CPED1: variants seen among roughly 807,000 people sequenced by gnomAD.
CPED1 encodes the protein cadherin-like and PC-esterase domain-containing protein 1.
CPED1 carries 114 observed loss-of-function variants against 128.2 expected under a neutral mutation model. The observed-to-expected ratio is 0.89, with a 90% CI of 0.76 to 1.04. The LOEUF (loss-of-function observed/expected upper bound fraction) is 1.04. CPED1 is among the 50% of genes least tolerant of loss of function. CPED1 has a pLI of 0.00. For missense variants in CPED1, 1,211 were observed against 1,207.1 expected, an observed-to-expected ratio of 1.00 and a Z score of -0.05; for synonymous variants, 462 against 426.7, an observed-to-expected ratio of 1.08 and a Z score of -1.02.
chr7:121,167,118 A>G (rs919925295), intron 16 of CPED1, among the ~76,000 whole-genome samples: 1 of 152,240 alleles, frequency 6.6e-6, no homozygotes, highest in African/African-American at 2.4e-5. Context: ...AAATGCTGGT[A>G]AAGTGACCCT....
chr7:121,056,626 G>GT (rs1793505643), intron 4 of CPED1, among the ~76,000 whole-genome samples: 1 of 152,122 alleles, frequency 6.6e-6, no homozygotes, highest in South Asian at 2.1e-4. Context: ...ATTTACCATT[G>GT]TAAGTTTTCA....
At chr7:121,052,874 A>G (rs113157542) in intron 4 of CPED1, among the ~76,000 whole-genome samples, 1,725 of 152,094 alleles carry the variant, frequency 0.011, 25 homozygotes, top group Middle Eastern at 0.034. Flanking sequence ...GGCATGCATC[A>G]CCACACCTAA....
intron 2 of CPED1, among the ~76,000 whole-genome samples, chr7:121,001,825 G>T (rs1338149121): frequency 6.6e-6 from 1 of 152,242 alleles, no homozygotes; most frequent in East Asian, 1.9e-4. Flanking sequence ...GGATTGAAAT[G>T]CCTGTCACAG....
intron 5 of CPED1, among the ~76,000 whole-genome samples, chr7:121,080,228 T>C (rs145770311): frequency 2.0e-5 from 3 of 152,340 alleles, no homozygotes; most frequent in Non-Finnish European, 4.4e-5. Context: ...TTATTCTTAG[T>C]TGTGTGTAGA....
Position 121,133,865 on chromosome 7 carries a change from G to A in CPED1, c.1620G>A (p.Val540=). Residue 540 remains valine (V), a synonymous_variant, in exon 13 of 23, where the codon GTG becomes GTA. Coordinates refer to ENST00000310396, the MANE Select transcript of CPED1 (RefSeq NM_024913.5). ...TEDKNIEKPQ[V]PFDAIENKKA... is the part of the protein sequence containing the mutation. ...ATAAGAACATTGAAAAACCACAAGT[G>A]CCATTTGATGCAATAGAAAATAAAA... 1.9e-6 allele frequency: 3 copies of A among 1,593,920 alleles called. No individual in the cohort carries two copies. Among genetic ancestry groups the A allele is most frequent in the Non-Finnish European group, 2.6e-6 (3 of 1,165,890 alleles).
intron 18 of CPED1, among the ~76,000 whole-genome samples, chr7:121,249,813 T>G (rs1035632960): frequency 3.3e-5 from 5 of 152,118 alleles, no homozygotes; most frequent in East Asian, 1.9e-4. Context: ...GTACCCAGAT[T>G]CATAAAGCAA....
At chr7:121,258,851 A>T (rs372357919) in intron 18 of CPED1, among the ~76,000 whole-genome samples, 3 of 152,196 alleles carry the variant, frequency 2.0e-5, no homozygotes, top group East Asian at 3.9e-4. Flanking sequence ...GTTGCCAGGA[A>T]TAAATAGTTC....
At chr7:121,039,830 T>C (rs1793003417) in intron 3 of CPED1, among the ~76,000 whole-genome samples, 1 of 152,112 alleles carries the variant, frequency 6.6e-6, no homozygotes, top group South Asian at 2.1e-4. Flanking sequence ...GATTTCCTTT[T>C]ACACTTTTTT....
intron 3 of CPED1, among the ~76,000 whole-genome samples, chr7:121,045,690 A>C (rs1412870656): frequency 6.6e-6 from 1 of 152,160 alleles, no homozygotes; most frequent in Non-Finnish European, 1.5e-5. Flanking sequence ...ATTACTCAGA[A>C]TATTTATCTC....
chr7:121,071,783 G>T (rs558739803), intron 5 of CPED1, among the ~76,000 whole-genome samples: 1 of 152,100 alleles, frequency 6.6e-6, no homozygotes, highest in Non-Finnish European at 1.5e-5. Context: ...GTAAAGATGG[G>T]CCTTTAATTT....
At chr7:121,244,408 T>C in intron 18 of CPED1, 70 bp downstream of exon 18, 1 of 1,531,000 alleles carries the variant, frequency 6.5e-7, no homozygotes, top group African/African-American at 1.4e-5. Flanking sequence ...CGTATAGTTG[T>C]ATCTACTAGA....
intron 22 of CPED1, among the ~76,000 whole-genome samples, chr7:121,292,869 GCTGC>G (rs1792737673): frequency 6.6e-6 from 1 of 152,172 alleles, no homozygotes; most frequent in Non-Finnish European, 1.5e-5. Flanking sequence ...AGCAAAGATT[GCTGC>G]CTGCTCATTC....
At chr7:120,995,969 CCTTCTT>C (rs1167604663) in intron 2 of CPED1, among the ~76,000 whole-genome samples, 14 of 66,540 alleles carry the variant, frequency 2.1e-4, no homozygotes, top group Non-Finnish European at 3.2e-4. Flanking sequence ...TCCTCCTCCT[CCTTCTT>C]CTTCTTCTTC....
chr7:121,213,311 C>G (rs1021029042), intron 16 of CPED1, among the ~76,000 whole-genome samples: 3 of 151,954 alleles, frequency 2.0e-5, no homozygotes, highest in Non-Finnish European at 2.9e-5. Context: ...CTTTCCAAAC[C>G]TTTGTTTCCT....
chr7:121,007,835 A>G (rs1391050256), intron 2 of CPED1, among the ~76,000 whole-genome samples: 1 of 151,952 alleles, frequency 6.6e-6, no homozygotes, highest in Non-Finnish European at 1.5e-5. Context: ...ATCAGGCTCC[A>G]TAGAACAGAA....
chr7:121,260,569 G>T (rs1266359173), intron 18 of CPED1, among the ~76,000 whole-genome samples: 1 of 151,958 alleles, frequency 6.6e-6, no homozygotes, highest in East Asian at 1.9e-4. Context: ...TCACTGTAGA[G>T]CTTTCTAAAT....
At chr7:121,016,909 A>G (rs1349264129) in intron 3 of CPED1, among the ~76,000 whole-genome samples, 1 of 152,210 alleles carries the variant, frequency 6.6e-6, no homozygotes, top group Non-Finnish European at 1.5e-5. Flanking sequence ...AGATCCTGGT[A>G]TTACAGTAGC....
chr7:121,151,445 C>G (rs558731566), intron 16 of CPED1, among the ~76,000 whole-genome samples: 1 of 152,316 alleles, frequency 6.6e-6, no homozygotes, highest in Non-Finnish European at 1.5e-5. Flanking sequence ...ACCATTTATA[C>G]ACATTGTTTC....
intron 3 of CPED1, among the ~76,000 whole-genome samples, chr7:121,032,758 G>A (rs1186016016): frequency 6.6e-6 from 1 of 152,126 alleles, no homozygotes; most frequent in Admixed American, 6.5e-5. Context: ...TAGAGGTGTA[G>A]GAATGATGCA....
Sources: gnomAD v4.1 joint callset for allele counts (sites outside exome capture counted in the v4.1 genomes callset) on GRCh38, gnomAD v4.1.1 for gene constraint, MANE v1.5 for transcripts, NCBI Gene and HGNC (gene_info 2026-07-23, HGNC 2026-07-21) for gene names.